The following TMTC2 variants were observed in gnomAD, a reference collection of about 807,000 sequenced individuals.
The protein encoded by TMTC2 is protein O-mannosyl-transferase TMTC2.
In TMTC2, 43 loss-of-function variants were observed where a neutral mutation model predicts 82.4. That is an observed-to-expected ratio of 0.52 (90% CI 0.41 to 0.67). The LOEUF is 0.67. Ranked by LOEUF, TMTC2 falls within the 30% of genes least tolerant of loss-of-function variation. The pLI is 0.00. For synonymous variants in TMTC2, 408 were observed against 381.9 expected (o/e 1.07, Z -0.80); for missense variants, 919 against 1,012.4 (o/e 0.91, Z 1.25).
chr12:82,928,823 T>C (rs1357066438), intron 3 of TMTC2, among the ~76,000 whole-genome samples: 13 of 152,204 alleles, frequency 8.5e-5, no homozygotes, highest in African/African-American at 3.1e-4. Flanking sequence ...TGTTGCATAA[T>C]TGTGAGTTCA....
At chr12:82,976,553 G>A (rs1228948468) in intron 7 of TMTC2, among the ~76,000 whole-genome samples, 1 of 151,956 alleles carries the variant, frequency 6.6e-6, no homozygotes, top group East Asian at 1.9e-4. Context: ...TTAAGACTTG[G>A]ATAATATTAC....
intron 4 of TMTC2, among the ~76,000 whole-genome samples, chr12:82,933,713 C>G (rs978758248): frequency 1.3e-5 from 2 of 152,098 alleles, no homozygotes; most frequent in African/African-American, 2.4e-5. Flanking sequence ...ATTTTAGAAG[C>G]TTTAGGGAAT....
At chr12:82,707,661 G>A (rs1203132631) in intron 1 of TMTC2, among the ~76,000 whole-genome samples, 1 of 152,222 alleles carries the variant, frequency 6.6e-6, no homozygotes, top group Non-Finnish European at 1.5e-5. Flanking sequence ...CCAAGGCCTT[G>A]TTCCTGCACT....
intron 8 of TMTC2, among the ~76,000 whole-genome samples, chr12:83,005,968 A>G (rs530957533): frequency 1.3e-5 from 2 of 152,278 alleles, no homozygotes; most frequent in South Asian, 4.1e-4. Flanking sequence ...ATTTTGTTGC[A>G]GCTGTCCCCA....
At chr12:82,997,316 G>GTGTGTC (rs1879678795) in intron 8 of TMTC2, among the ~76,000 whole-genome samples, 1 of 68,610 alleles carries the variant, frequency 1.5e-5, no homozygotes, top group African/African-American at 5.1e-5. Flanking sequence ...CTGTGTGTGT[G>GTGTGTC]TGTGTGTCTG....
At chr12:82,894,922 C>A (rs1873581547) in intron 2 of TMTC2, among the ~76,000 whole-genome samples, 1 of 151,616 alleles carries the variant, frequency 6.6e-6, no homozygotes, top group South Asian at 2.1e-4. Context: ...GCCTCAGCCT[C>A]CTGAGTAGCT....
At chr12:83,018,024 GTA>G (rs34572060) in intron 8 of TMTC2, among the ~76,000 whole-genome samples, 1 of 142,638 alleles carries the variant, frequency 7.0e-6, no homozygotes, top group African/African-American at 2.6e-5. Context: ...TATATATATA[GTA>G]TATATATATT....
At chr12:82,738,617 T>C (rs2136950300) in intron 1 of TMTC2, among the ~76,000 whole-genome samples, 1 of 152,290 alleles carries the variant, frequency 6.6e-6, no homozygotes, top group East Asian at 1.9e-4. Flanking sequence ...TCTGAATCAC[T>C]TGGAATAAAT....
At chr12:83,100,689 G>A (rs1382784090) in intron 11 of TMTC2, among the ~76,000 whole-genome samples, 1 of 151,918 alleles carries the variant, frequency 6.6e-6, no homozygotes, top group Non-Finnish European at 1.5e-5. Context: ...AGATAAAACA[G>A]CTTGGGAGAA....
chr12:82,992,265 T>C (rs2137350244), intron 8 of TMTC2, among the ~76,000 whole-genome samples: 1 of 152,338 alleles, frequency 6.6e-6, no homozygotes, highest in East Asian at 1.9e-4. Flanking sequence ...CTAAGACTTC[T>C]TTTTCATTCA....
intron 10 of TMTC2, among the ~76,000 whole-genome samples, chr12:83,058,455 TG>T (rs1882624172): frequency 6.6e-6 from 1 of 151,822 alleles, no homozygotes; most frequent in Non-Finnish European, 1.5e-5. Flanking sequence ...TTCCTGGCCC[TG>T]AGAGACCAGA....
At chr12:82,925,269 A>G (rs933974994) in intron 3 of TMTC2, among the ~76,000 whole-genome samples, 1 of 152,148 alleles carries the variant, frequency 6.6e-6, no homozygotes, top group African/African-American at 2.4e-5. Flanking sequence ...TCCCTCCACT[A>G]TCTCCAGCAT....
intron 1 of TMTC2, among the ~76,000 whole-genome samples, chr12:82,798,252 G>A (rs1462142720): frequency 1.4e-5 from 2 of 142,726 alleles, no homozygotes; most frequent in South Asian, 2.5e-4. Flanking sequence ...ACCACGCCCG[G>A]CCACCTAATT....
At chr12:82,692,175 G>C (rs1263920516) in intron 1 of TMTC2, among the ~76,000 whole-genome samples, 1 of 152,100 alleles carries the variant, frequency 6.6e-6, no homozygotes. Context: ...ATGCCACAGG[G>C]AAAATTGCCA....
intron 10 of TMTC2, among the ~76,000 whole-genome samples, chr12:83,056,390 C>A (rs937769128): frequency 1.3e-5 from 2 of 151,710 alleles, no homozygotes; most frequent in African/African-American, 2.4e-5. Context: ...TAATTTCTTC[C>A]CTAATTTCTA....
chr12:82,719,922 T>C (rs1419981601), intron 1 of TMTC2, among the ~76,000 whole-genome samples: 1 of 152,362 alleles, frequency 6.6e-6, no homozygotes, highest in African/African-American at 2.4e-5. Flanking sequence ...TTTACTAATT[T>C]ATTTGTTTGT....
At chr12:82,869,439 C>A (rs1468554335) in intron 2 of TMTC2, among the ~76,000 whole-genome samples, 2 of 152,052 alleles carry the variant, frequency 1.3e-5, no homozygotes, top group East Asian at 3.9e-4. Flanking sequence ...TGATTCCCTC[C>A]TATAATGACA....
intron 6 of TMTC2, chr12:82,966,069 C>A (rs183067796): frequency 6.5e-5 from 20 of 307,064 alleles, no homozygotes; most frequent in Admixed American, 4.8e-4. Context: ...CTTCTTTGCT[C>A]ACCATTTCTT....
intron 4 of TMTC2, among the ~76,000 whole-genome samples, chr12:82,937,786 A>ACATATATATATATATG (rs1565818416): frequency 4.3e-5 from 1 of 23,124 alleles, no homozygotes; most frequent in African/African-American, 1.3e-4. Flanking sequence ...ATATATATAT[A>ACATATATATATATATG]TATATATATA....
Sources: gnomAD v4.1 joint callset for allele counts (sites outside exome capture counted in the v4.1 genomes callset) on GRCh38, gnomAD v4.1.1 for gene constraint, MANE v1.5 for transcripts, NCBI Gene and HGNC (gene_info 2026-07-23, HGNC 2026-07-21) for gene names.